ITK: variants seen among roughly 807,000 people sequenced by gnomAD.
ITK encodes the protein IL2 inducible T cell kinase.
In ITK, 45 loss-of-function variants were observed where a neutral mutation model predicts 87.6. The ratio of observed to expected loss-of-function variants is 0.51; its 90% confidence interval spans 0.40 to 0.66. The LOEUF is 0.66. Ranked by LOEUF, ITK falls within the 30% of genes least tolerant of loss-of-function variation. ITK has a pLI of 0.00. For synonymous variants in ITK, 303 were observed against 273.6 expected, an observed-to-expected ratio of 1.11 and a Z score of -1.06; for missense variants, 605 against 766.3, an observed-to-expected ratio of 0.79 and a Z score of 2.48.
chr5:157,226,436 A>G (rs1401051238), intron 6 of ITK, among the ~76,000 whole-genome samples: 1 of 152,230 alleles, frequency 6.6e-6, no homozygotes, highest in Non-Finnish European at 1.5e-5. Context: ...AAGTAGACAT[A>G]ATTAAGGGAA....
At chr5:157,210,230 G>T (rs554543903) in intron 2 of ITK, among the ~76,000 whole-genome samples, 1 of 152,106 alleles carries the variant, frequency 6.6e-6, no homozygotes, top group Non-Finnish European at 1.5e-5. Context: ...TAAAGTCCTT[G>T]TATATGAATC....
rs140064341 is a variant in ITK at position 157,181,092 on chromosome 5, G to A, written c.115G>A (p.Ala39Thr). Residue 39 changes from alanine to threonine, a missense_variant, in exon 1 of 17, where the codon GCA (alanine) becomes ACA (threonine). Transcript: ENST00000422843. Reference sequence around the variant, plus strand: ...CTTTGTGTTAACCAAAGCCAGCCTGGCATACTTTGAAGATCGTCATGGGGT... The same window carrying A: ...CTTTGTGTTAACCAAAGCCAGCCTGACATACTTTGAAGATCGTCATGGGGT... ...RFFVLTKASL[A>T]YFEDRHGKKR... is the part of the protein sequence containing the mutation. 2 of 1,613,900 alleles carry A rather than the reference G, an allele frequency of 1.2e-6. No homozygotes were observed. The highest frequency in any genetic ancestry group is 1.3e-5 in the African/African-American group (1 of 74,908).
chr5:157,234,510 G>C (rs1365572894), intron 8 of ITK, among the ~76,000 whole-genome samples: 2 of 152,110 alleles, frequency 1.3e-5, no homozygotes, highest in Non-Finnish European at 2.9e-5. Flanking sequence ...GGACCTTTAA[G>C]AGATGAATTC....
intron 1 of ITK, among the ~76,000 whole-genome samples, chr5:157,194,227 C>T (rs555570039): frequency 1.3e-5 from 2 of 152,230 alleles, no homozygotes; most frequent in South Asian, 4.1e-4. Flanking sequence ...GCCAGTTTCT[C>T]GCTGCGAGTT....
At chr5:157,224,031 C>A (rs192385824) in intron 6 of ITK, among the ~76,000 whole-genome samples, 13 of 152,332 alleles carry the variant, frequency 8.5e-5, no homozygotes, top group Non-Finnish European at 1.5e-4. Flanking sequence ...CGCCTGTAAT[C>A]CCAGCAGTTT....
At chr5:157,207,412 G>A (rs1328019710) in intron 1 of ITK, among the ~76,000 whole-genome samples, 1 of 57,440 alleles carries the variant, frequency 1.7e-5, no homozygotes, top group South Asian at 7.6e-4. Flanking sequence ...TTTGAGTCTT[G>A]CTCTGTCGCC....
Position 157,214,318 on chromosome 5 carries a change from TG to T in ITK, c.454+1del. The T allele has an allele frequency of 6.2e-7, 1 of 1,613,204 alleles. No homozygotes were observed. The highest frequency in any genetic ancestry group is 8.5e-7 in the Non-Finnish European group (1 of 1,179,172). Reference protein sequence around the residue: ...GCAQYDPTKNASKKPLPPTPE... With the variant: ...GCAQYDPTKNXSKKPLPPTPE... ...GTGCCCAATATGATCCAACCAAGAA[TG>T]GTAAGAGACTGGGAATTCCCTCTAG... On this transcript the variant is annotated frameshift_variant and splice_region_variant, in exon 4 of 17. Coordinates refer to ENST00000422843, the MANE Select transcript of ITK (RefSeq NM_005546.4). LOFTEE classifies it high-confidence loss of function.
chr5:157,248,974 C>T lies in ITK; in HGVS notation c.1758C>T (p.His586=), dbSNP rs754798600. ...ACAAGCCCCGGCTGGCCTCCACACA[C>T]GTCTACCAGATTATGAATCACTGCT... is the stretch of plus-strand genomic sequence containing the variant. ...RLYKPRLAST[H]VYQIMNHCWK... The change falls in exon 16 of 17, where the codon CAC becomes CAT. Residue 586 remains histidine (H), a synonymous_variant. Coordinates refer to ENST00000422843, the MANE Select transcript of ITK (RefSeq NM_005546.4). 1.5e-5 allele frequency: 25 copies of T among 1,613,744 alleles called. No individual in the cohort carries two copies. The highest frequency in any genetic ancestry group is 6.7e-5 in the East Asian group (3 of 44,898).
At chr5:157,237,350 T>G (rs1022417235) in intron 8 of ITK, among the ~76,000 whole-genome samples, 2 of 152,078 alleles carry the variant, frequency 1.3e-5, no homozygotes, top group African/African-American at 4.8e-5. Flanking sequence ...GACATCAAGA[T>G]AGTAACAATA....
At chr5:157,198,885 C>T (rs953781226) in intron 1 of ITK, among the ~76,000 whole-genome samples, 4 of 152,250 alleles carry the variant, frequency 2.6e-5, no homozygotes, top group South Asian at 4.2e-4. Context: ...GCCTCAGCCT[C>T]CGGAGTGGCT....
At chr5:157,218,009 G>A (rs1394819639) in intron 5 of ITK, 102 bp downstream of exon 5, 1 of 1,040,328 alleles carries the variant, frequency 9.6e-7, no homozygotes, top group African/African-American at 1.6e-5. Context: ...TTCAAACCCT[G>A]GCTGCATGCA....
At chr5:157,248,537 A>C (rs1022166468) in intron 15 of ITK, among the ~76,000 whole-genome samples, 1 of 152,146 alleles carries the variant, frequency 6.6e-6, no homozygotes, top group Admixed American at 6.5e-5. Context: ...CAATCCCAAT[A>C]GTGTCACACC....
chr5:157,186,682 AAGAGAGAGAGAG>A (rs61141972), intron 1 of ITK, among the ~76,000 whole-genome samples: 2,582 of 148,656 alleles, frequency 0.017, 71 homozygotes, highest in African/African-American at 0.061. Context: ...GTCTCAAAAA[AAGAGAGAGAGAG>A]AGAGAGAGAG....
intron 1 of ITK, among the ~76,000 whole-genome samples, chr5:157,186,083 T>A (rs1295394427): frequency 2.6e-5 from 4 of 152,182 alleles, no homozygotes; most frequent in Admixed American, 2.6e-4. Flanking sequence ...TTAAACAACT[T>A]GCCTGATGTC....
At chr5:157,211,477 T>C in intron 3 of ITK, 109 bp downstream of exon 3, 1 of 955,066 alleles carries the variant, frequency 1.0e-6, no homozygotes, top group East Asian at 2.4e-5. Flanking sequence ...GGCTGATTTC[T>C]CTTTTGGGGT....
At chr5:157,198,751 A>T (rs1022420633) in intron 1 of ITK, among the ~76,000 whole-genome samples, 1 of 152,138 alleles carries the variant, frequency 6.6e-6, no homozygotes, top group Non-Finnish European at 1.5e-5. Context: ...AGTAATGAGC[A>T]TATCTTTTTT....
At position 157,244,485 on chromosome 5, in the gene ITK, G is replaced by T. The variant is rs779098639; in HGVS notation, c.1449+7G>T. The T allele has an allele frequency of 6.5e-6, 10 of 1,547,796 alleles. No individual in the cohort carries two copies. The highest frequency in any genetic ancestry group is 4.1e-5 in the African/African-American group (3 of 73,604). On this transcript the variant is annotated splice_region_variant and intron_variant, in intron 13 of 16. Transcript: ENST00000422843. ...TGTCATCCACAGAGACTTGGTATGA[G>T]CATGCAGGGTGAACACCCACAGGTC... is the stretch of plus-strand genomic sequence containing the variant.
chr5:157,237,570 G>T (rs1256140517), intron 8 of ITK, among the ~76,000 whole-genome samples: 2 of 152,210 alleles, frequency 1.3e-5, no homozygotes. Flanking sequence ...AGACACTGAT[G>T]AAGTTTTCAG....
intron 8 of ITK, among the ~76,000 whole-genome samples, chr5:157,233,386 A>G (rs1243910194): frequency 1.3e-5 from 2 of 152,248 alleles, no homozygotes; most frequent in African/African-American, 4.8e-5. Context: ...GGAGTTGGGA[A>G]AGATTCCATG....
Sources: gnomAD v4.1 joint callset for allele counts (sites outside exome capture counted in the v4.1 genomes callset) on GRCh38, gnomAD v4.1.1 for gene constraint, MANE v1.5 for transcripts, NCBI Gene and HGNC (gene_info 2026-07-23, HGNC 2026-07-21) for gene names.